Variants in BNC2 observed in about 807,000 individuals in gnomAD.
The protein encoded by BNC2 is basonuclin zinc finger protein 2.
Under a neutral mutation model 76.3 loss-of-function variants are expected in BNC2, and 20 were observed. The observed-to-expected ratio is 0.26, with a 90% CI of 0.18 to 0.38. The LOEUF (loss-of-function observed/expected upper bound fraction) is 0.38, where lower values mean the gene tolerates loss of function less well. Among genes scored for constraint, BNC2 ranks in the 10% least tolerant of loss-of-function variants. The pLI, the probability that BNC2 is intolerant of heterozygous loss-of-function variation, is 1.00. For synonymous variants in BNC2, 582 were observed against 514.8 expected, an observed-to-expected ratio of 1.13 and a Z score of -1.77; for missense variants, 1,382 against 1,399.8, an observed-to-expected ratio of 0.99 and a Z score of 0.20.
At chr9:16,590,487 C>CAAAAAGAAAATT in intron 3 of BNC2, among the ~76,000 whole-genome samples, 1 of 151,788 alleles carries the variant, frequency 6.6e-6, no homozygotes, top group Non-Finnish European at 1.5e-5. Context: ...GCCACTGTGC[C>CAAAAAGAAAATT]TGGCTTAAAA....
rs571798734 is a variant in BNC2, at chr9:16,733,079, T to TATG, written c.130-5085_130-5083dup. On this transcript the variant is annotated intron_variant, in intron 2 of 6. Transcript: ENST00000380672. ...TGGCATTAAGGTATATAACTTAATA[T>TATG]ATGCAAATTATGCAGCAGGCTGGAC... 7.2e-5 allele frequency among the ~76,000 whole-genome samples: 11 copies of TATG among 152,326 alleles called. 1 individual carries two copies. In the East Asian group the frequency reaches 2.1e-3, roughly 29 times the overall value.
chr9:16,843,714 T>C (rs1818891289), intron 1 of BNC2, among the ~76,000 whole-genome samples: 1 of 152,242 alleles, frequency 6.6e-6, no homozygotes, highest in African/African-American at 2.4e-5. Context: ...TCTGAGCTAC[T>C]TTAGGTTTAC....
chr9:16,769,632 T>C (rs1411706605), intron 1 of BNC2, among the ~76,000 whole-genome samples: 4 of 152,184 alleles, frequency 2.6e-5, no homozygotes, highest in Non-Finnish European at 4.4e-5. Flanking sequence ...AAAATCCCAG[T>C]GCTGCCTGCC....
intron 3 of BNC2, among the ~76,000 whole-genome samples, chr9:16,609,717 T>A (rs73421410): frequency 0.051 from 7,750 of 152,236 alleles, 707 homozygotes; most frequent in African/African-American, 0.18. Context: ...TTTAAACTAA[T>A]CTCAAGAAAG....
At chr9:16,460,795 T>C (rs1821562652) in intron 5 of BNC2, among the ~76,000 whole-genome samples, 1 of 152,066 alleles carries the variant, frequency 6.6e-6, no homozygotes, top group Admixed American at 6.6e-5. Flanking sequence ...TTAGCGTTAT[T>C]ATCAGGATTG....
Position 16,437,324 on chromosome 9 carries a change from A to G in BNC2, c.870T>C (p.Asn290=). The G allele has an allele frequency of 6.2e-7, 1 of 1,614,174 alleles. No individual in the cohort carries two copies. The highest frequency in any genetic ancestry group is 8.5e-7 in the Non-Finnish European group (1 of 1,180,022). The stretch of plus-strand genomic sequence containing the variant: ...CAAGGAGGCTGGGACTCCTGGTGCG[A>G]TTATTGCTCTCAATGAAAGTCCTTA... The part of the protein sequence containing the change: ...SDIRTFIESN[N]RTRSPSLLAH... Residue 290 remains asparagine (N), a synonymous_variant, in exon 6 of 7, where the codon AAT becomes AAC. Transcript: ENST00000380672.
intron 3 of BNC2, among the ~76,000 whole-genome samples, chr9:16,594,733 T>G (rs1295835506): frequency 6.6e-6 from 1 of 151,940 alleles, no homozygotes; most frequent in Non-Finnish European, 1.5e-5. Context: ...AAATTAGAGA[T>G]TTTTTCAAAC....
At chr9:16,480,969 C>T (rs930471423) in intron 5 of BNC2, among the ~76,000 whole-genome samples, 1 of 152,198 alleles carries the variant, frequency 6.6e-6, no homozygotes, top group Non-Finnish European at 1.5e-5. Flanking sequence ...CAGCTGGGCT[C>T]CTGAGTCTGG....
chr9:16,458,847 G>A (rs1821511685), intron 5 of BNC2, among the ~76,000 whole-genome samples: 1 of 152,202 alleles, frequency 6.6e-6, no homozygotes, highest in South Asian at 2.1e-4. Flanking sequence ...ATCACTCAGT[G>A]CACACATGAA....
At chr9:16,860,772 G>A (rs1307784648) in intron 1 of BNC2, among the ~76,000 whole-genome samples, 1 of 152,220 alleles carries the variant, frequency 6.6e-6, no homozygotes, top group Non-Finnish European at 1.5e-5. Context: ...GCTGGGCGTG[G>A]TGGCTCATGC....
At chr9:16,696,380 A>C (rs1397932010) in intron 3 of BNC2, among the ~76,000 whole-genome samples, 1 of 152,110 alleles carries the variant, frequency 6.6e-6, no homozygotes, top group Non-Finnish European at 1.5e-5. Context: ...GACTTTCCTA[A>C]CCTGAAATAG....
rs180904268 is a variant in BNC2 at position 16,841,036 on chromosome 9, A to T, written c.3+29610T>A. ...TGTTCTTCCGATTCCACATTTGAAC[A>T]CTGTAGTTCTCTACTTCACGGGCAG... On this transcript the variant is annotated intron_variant, in intron 1 of 6. Transcript: ENST00000380672. Among the ~76,000 whole-genome samples the T allele has an allele frequency of 8.5e-4, 129 of 152,320 alleles. No homozygotes were observed. In the East Asian group the frequency reaches 0.02, roughly 24 times the overall value.
At position 16,780,252 on chromosome 9, in the gene BNC2, A is replaced by ACAAC. The variant is rs1443524678; in HGVS notation, c.4-41768_4-41767insGTTG. ...CTTCGTTTCAAAAAAAAAAAAAAAA[A>ACAAC]AAAACAAAAAAAAACTACTGAAACT... On this transcript the variant is annotated intron_variant, in intron 1 of 6. Transcript: ENST00000380672. Among the ~76,000 whole-genome samples the ACAAC allele has an allele frequency of 3.6e-4, 49 of 134,944 alleles. 2 individuals are homozygous for ACAAC. In the South Asian group the frequency reaches 8.4e-3, roughly 23 times the overall value. The allele number at this position is 134,944 out of a possible 152,430, so 88.5% of individuals were successfully genotyped here.
In BNC2 at chr9:16,817,115, C is replaced by G. The variant is rs568103367; in HGVS notation, c.3+53531G>C. ...ATTACATAGGCAGAACACTCTGATT[C>G]CAACTTAAAAATCTCTTTGACTTGA... On this transcript the variant is annotated intron_variant, in intron 1 of 6. Transcript: ENST00000380672. Among the ~76,000 whole-genome samples the G allele has an allele frequency of 5.4e-4, 82 of 152,302 alleles. 2 individuals carry two copies. In the South Asian group the frequency reaches 0.016, roughly 30 times the overall value.
chr9:16,749,613 T>C (rs764791578), intron 1 of BNC2, among the ~76,000 whole-genome samples: 11 of 151,858 alleles, frequency 7.2e-5, no homozygotes, highest in Non-Finnish European at 1.0e-4. Flanking sequence ...GGTGGGAAGA[T>C]TGCTTGAGCC....
intron 5 of BNC2, among the ~76,000 whole-genome samples, chr9:16,465,042 G>A (rs1024281381): frequency 2.1e-4 from 32 of 152,102 alleles, no homozygotes; most frequent in African/African-American, 6.8e-4. Flanking sequence ...GTTCTGTAAT[G>A]GCTCCCTGTC....
chr9:16,588,100 G>T lies in BNC2; in HGVS notation c.331-5015C>A, dbSNP rs143024451. Among the ~76,000 whole-genome samples, 376 of 152,250 alleles carry T rather than the reference G, an allele frequency of 2.5e-3. 3 individuals are homozygous for T. Among genetic ancestry groups the T allele is most frequent in the Admixed American group, 0.02 (311 of 15,296 alleles). ...TAAAAATACATGATTCTCTGAGCCCGCTTCCTCATCTGTAAAATGATAGTA... is the reference window on the plus strand; with the variant it reads ...TAAAAATACATGATTCTCTGAGCCCTCTTCCTCATCTGTAAAATGATAGTA... On this transcript the variant is annotated intron_variant, in intron 3 of 6. Coordinates refer to ENST00000380672, the MANE Select transcript of BNC2 (RefSeq NM_017637.6).
chr9:16,577,697 G>A (rs10962496), intron 4 of BNC2, among the ~76,000 whole-genome samples: 4,657 of 152,198 alleles, frequency 0.031, 273 homozygotes, highest in East Asian at 0.19. Flanking sequence ...TTCCTCGAAT[G>A]AAATGCATGC....
Position 16,436,604 on chromosome 9 carries a change from T to C in BNC2, c.1590A>G (p.Ala530=). The change falls in exon 6 of 7, where the codon GCA becomes GCG. Residue 530 remains alanine (A), a synonymous_variant. Coordinates refer to ENST00000380672, the MANE Select transcript of BNC2 (RefSeq NM_017637.6). Reference sequence around the variant, plus strand: ...TTGGGGGTCGGCCAGGGCTTGTGAGTGCCAGATTTGATTTTGTACTTGCTA... The same window carrying C: ...TTGGGGGTCGGCCAGGGCTTGTGAGCGCCAGATTTGATTTTGTACTTGCTA... ...PVIASTKSNL[A]LTSPGRPPMG... is the part of the protein sequence containing the mutation. 2.5e-6 allele frequency: 4 copies of C among 1,613,914 alleles called. No individual in the cohort carries two copies. The highest frequency in any genetic ancestry group is 3.4e-6 in the Non-Finnish European group (4 of 1,179,956).
Sources: allele counts gnomAD v4.1 joint callset (sites outside exome capture counted in the v4.1 genomes callset), GRCh38; gene constraint gnomAD v4.1.1; transcripts MANE v1.5; gene names NCBI Gene and HGNC (gene_info 2026-07-23, HGNC 2026-07-21).